Variants in GULP1 observed in about 807,000 individuals in gnomAD.
GULP1 encodes GULP PTB domain containing engulfment adaptor 1.
In GULP1, 19 loss-of-function variants were observed where a neutral mutation model predicts 40.9. The observed-to-expected ratio is 0.46, with a 90% confidence interval of 0.32 to 0.68. GULP1 has a LOEUF of 0.68. GULP1 is among the 30% of genes least tolerant of loss of function. The pLI is 0.03. For missense variants in GULP1, 312 were observed against 362.2 expected, an observed-to-expected ratio of 0.86 and a Z score of 1.12; for synonymous variants, 119 against 117.6, an observed-to-expected ratio of 1.01 and a Z score of -0.08.
chr2:188,450,256 C>A lies in GULP1; in HGVS notation c.-44-27403C>A, dbSNP rs989405157. The stretch of plus-strand genomic sequence containing the variant: ...TTACTGATGAGAAAGTAGGGACTTT[C>A]AAGTTTACATTTGTTTGTTGTCTAA... On this transcript the variant is annotated intron_variant, in intron 2 of 11. Transcript: ENST00000409830. 2.0e-5 allele frequency among the ~76,000 whole-genome samples: 3 copies of A among 152,066 alleles called. No individual in the cohort carries two copies. The East Asian group carries it at 5.8e-4, about 29-fold the overall frequency.
chr2:188,341,151 C>T (rs375580163), intron 1 of GULP1, among the ~76,000 whole-genome samples: 1 of 152,100 alleles, frequency 6.6e-6, no homozygotes, highest in African/African-American at 2.4e-5. Context: ...CCTTTTCTGC[C>T]TAGAATTTCT....
At chr2:188,348,251 A>G (rs994753495) in intron 1 of GULP1, among the ~76,000 whole-genome samples, 1 of 152,232 alleles carries the variant, frequency 6.6e-6, no homozygotes, top group Non-Finnish European at 1.5e-5. Flanking sequence ...TTCTAAACAC[A>G]TTGTTGAATA....
At chr2:188,358,573 A>G (rs2045673256) in intron 1 of GULP1, among the ~76,000 whole-genome samples, 1 of 152,156 alleles carries the variant, frequency 6.6e-6, no homozygotes, top group African/African-American at 2.4e-5. Flanking sequence ...TACACATAGT[A>G]TACATGTATC....
At chr2:188,470,247 G>A (rs182265025) in intron 2 of GULP1, among the ~76,000 whole-genome samples, 129 of 152,072 alleles carry the variant, frequency 8.5e-4, no homozygotes, top group East Asian at 3.9e-3. Flanking sequence ...TTATTGATTT[G>A]TTCATGTTTT....
At chr2:188,343,084 C>T (rs2043173840) in intron 1 of GULP1, among the ~76,000 whole-genome samples, 1 of 151,786 alleles carries the variant, frequency 6.6e-6, no homozygotes, top group Admixed American at 6.6e-5. Flanking sequence ...AGAGAAAAGA[C>T]AAAGACACAC....
At chr2:188,486,937 A>T (rs544517753) in intron 4 of GULP1, among the ~76,000 whole-genome samples, 1 of 152,054 alleles carries the variant, frequency 6.6e-6, no homozygotes, top group South Asian at 2.1e-4. Context: ...AAAAAAGGTG[A>T]TTGCAGTTCA....
intron 1 of GULP1, among the ~76,000 whole-genome samples, chr2:188,310,602 G>T (rs2037923628): frequency 6.6e-6 from 1 of 152,136 alleles, no homozygotes; most frequent in African/African-American, 2.4e-5. Context: ...GTGTTTTGGG[G>T]ACATTCAGGG....
chr2:188,509,078 G>A (rs1042529135), intron 4 of GULP1, among the ~76,000 whole-genome samples: 27 of 151,976 alleles, frequency 1.8e-4, no homozygotes, highest in African/African-American at 6.0e-4. Context: ...CGTCCACAGG[G>A]ATCTTTAACT....
chr2:188,489,560 A>C (rs1175202228), intron 4 of GULP1, among the ~76,000 whole-genome samples: 1 of 152,002 alleles, frequency 6.6e-6, no homozygotes, highest in Admixed American at 6.6e-5. Context: ...AAACATTTTA[A>C]AATTAAAGAA....
rs942642899 is a variant in GULP1 at position 188,538,164 on chromosome 2, AT to A, written c.262-3010del. On this transcript the variant is annotated intron_variant, in intron 6 of 11. Transcript: ENST00000409830. The stretch of plus-strand genomic sequence containing the variant: ...TTGGGTTTGTTCATTGTTTTTATGG[AT>A]TTTTTTCTCTCAATTTCATTCAATT... Among the ~76,000 whole-genome samples the A allele has an allele frequency of 2.0e-5, 3 of 151,044 alleles. No individual in the cohort carries two copies. In the South Asian group the frequency reaches 6.3e-4, roughly 31 times the overall value.
intron 4 of GULP1, among the ~76,000 whole-genome samples, chr2:188,507,400 T>C (rs911783288): frequency 8.8e-5 from 13 of 147,982 alleles, no homozygotes; most frequent in Non-Finnish European, 1.5e-4. Flanking sequence ...TGTTTTCTTT[T>C]TTTTTTTTTT....
intron 2 of GULP1, among the ~76,000 whole-genome samples, chr2:188,407,185 A>G (rs1186018904): frequency 6.6e-6 from 1 of 152,184 alleles, no homozygotes; most frequent in Non-Finnish European, 1.5e-5. Context: ...AGAGAGATAA[A>G]TACTTTTCAG....
At chr2:188,323,918 A>G (rs1013239208) in intron 1 of GULP1, among the ~76,000 whole-genome samples, 2 of 152,028 alleles carry the variant, frequency 1.3e-5, no homozygotes, top group African/African-American at 4.8e-5. Context: ...GCAGCAAGAT[A>G]CTAGACAAGA....
intron 7 of GULP1, among the ~76,000 whole-genome samples, chr2:188,553,097 T>G (rs1273267482): frequency 6.6e-6 from 1 of 151,880 alleles, no homozygotes; most frequent in Non-Finnish European, 1.5e-5. Flanking sequence ...ATGGAGCAAT[T>G]AGGTTTTTCT....
chr2:188,395,604 A>C (rs761218292), intron 2 of GULP1, among the ~76,000 whole-genome samples: 1 of 152,158 alleles, frequency 6.6e-6, no homozygotes, highest in Non-Finnish European at 1.5e-5. Context: ...CATCAGCAGA[A>C]AGTTCTGGGA....
intron 1 of GULP1, among the ~76,000 whole-genome samples, chr2:188,368,933 A>ATGTGTG (rs1553534363): frequency 4.6e-5 from 2 of 43,354 alleles, no homozygotes; most frequent in African/African-American, 1.1e-4. Flanking sequence ...GTATATATAT[A>ATGTGTG]TGTGTGTATA....
intron 1 of GULP1, among the ~76,000 whole-genome samples, chr2:188,329,432 A>T (rs1027894647): frequency 6.6e-6 from 1 of 152,138 alleles, no homozygotes; most frequent in African/African-American, 2.4e-5. Flanking sequence ...TGAAGAAAAA[A>T]GCCATGGAGG....
At chr2:188,582,255 T>C (rs979531613) in intron 9 of GULP1, 3 of 405,306 alleles carry the variant, frequency 7.4e-6, no homozygotes, top group African/African-American at 6.2e-5. Context: ...CAAAACACCA[T>C]TTTACAAATA....
chr2:188,426,616 T>C (rs1207132440), intron 2 of GULP1, among the ~76,000 whole-genome samples: 1 of 152,204 alleles, frequency 6.6e-6, no homozygotes, highest in African/African-American at 2.4e-5. Flanking sequence ...CAGGCTGGAA[T>C]TTGGTTATCT....
Sources: allele counts gnomAD v4.1 joint callset (sites outside exome capture counted in the v4.1 genomes callset), GRCh38; gene constraint gnomAD v4.1.1; transcripts MANE v1.5; gene names NCBI Gene and HGNC (gene_info 2026-07-23, HGNC 2026-07-21).